Variants in ZNF257 observed in about 807,000 individuals in gnomAD.
ZNF257 encodes the protein zinc finger protein 257.
A neutral mutation model predicts 11.9 loss-of-function variants in ZNF257; 12 were observed. That is an observed-to-expected ratio of 1.01 (90% CI 0.65 to 1.63). The LOEUF is 1.63. Ranked by LOEUF, ZNF257 falls within the 40% of genes most tolerant of loss-of-function variation. The pLI, the probability that ZNF257 is intolerant of heterozygous loss-of-function variation, is 0.00. For synonymous variants in ZNF257, 183 were observed against 222.7 expected (o/e 0.82, Z 1.59); for missense variants, 580 against 665.5 (o/e 0.87, Z 1.41).
intron 1 of ZNF257, among the ~76,000 whole-genome samples, chr19:22,056,478 A>AAT (rs770234509): frequency 1.5e-5 from 2 of 134,604 alleles, no homozygotes; most frequent in Non-Finnish European, 3.1e-5. Flanking sequence ...GAATTTAGAA[A>AAT]TTTTTTTTTT....
In ZNF257 at chr19:22,083,452, G is replaced by A. The variant is rs961299528; in HGVS notation, c.227-4525G>A. 4.6e-5 allele frequency among the ~76,000 whole-genome samples: 7 copies of A among 152,108 alleles called. No individual in the cohort carries two copies. In the East Asian group the frequency reaches 1.2e-3, roughly 25 times the overall value. On this transcript the variant is annotated intron_variant, in intron 3 of 3. Coordinates refer to ENST00000594947, the MANE Select transcript of ZNF257 (RefSeq NM_033468.4). The stretch of plus-strand genomic sequence containing the variant: ...CGCCATTGCACTCCAGCTGGGTGAC[G>A]AGTGAAACTCCATCTCGAAAAACTA...
intron 3 of ZNF257, chr19:22,075,350 C>T (rs2022202846): frequency 6.6e-6 from 1 of 152,230 alleles, no homozygotes; most frequent in Non-Finnish European, 1.5e-5. Flanking sequence ...TTCCTCGGGT[C>T]ACACTGTGTT....
chr19:22,076,768 A>C lies in ZNF257; in HGVS notation c.226+3204A>C, dbSNP rs184241793. Among the ~76,000 whole-genome samples, 374 of 152,250 alleles carry C rather than the reference A, an allele frequency of 2.5e-3. 4 individuals are homozygous for C. The highest frequency in any genetic ancestry group is 8.1e-3 in the African/African-American group (338 of 41,510). The stretch of plus-strand genomic sequence containing the variant: ...CAGTGGCATGATTTCAGCTCACTGC[A>C]ACCTCCGCCTCCCGGGTTCACGCCA... On this transcript the variant is annotated intron_variant, in intron 3 of 3. Transcript: ENST00000594947.
At chr19:22,067,930 A>T (rs1246987749) in intron 1 of ZNF257, among the ~76,000 whole-genome samples, 2 of 150,162 alleles carry the variant, frequency 1.3e-5, no homozygotes, top group Non-Finnish European at 3.0e-5. Flanking sequence ...CACAATTGCC[A>T]CAAGTAGCAT....
At chr19:22,082,226 A>G (rs1435657719) in intron 3 of ZNF257, among the ~76,000 whole-genome samples, 1 of 152,178 alleles carries the variant, frequency 6.6e-6, no homozygotes, top group East Asian at 1.9e-4. Context: ...ATGCACCATC[A>G]TTATAATAGT....
At chr19:22,061,421 G>T (rs2145688838) in intron 1 of ZNF257, among the ~76,000 whole-genome samples, 1 of 152,112 alleles carries the variant, frequency 6.6e-6, no homozygotes, top group South Asian at 2.1e-4. Context: ...TTTTGTTTTT[G>T]ATTTGGCTTT....
chr19:22,066,486 CAGT>C (rs1568482707), intron 1 of ZNF257: 6 of 152,528 alleles, frequency 3.9e-5, no homozygotes, highest in African/African-American at 1.4e-4. Flanking sequence ...GGCTGTGCCT[CAGT>C]GGCAGATGGT....
chr19:22,085,050 G>T (rs556230344), intron 3 of ZNF257, among the ~76,000 whole-genome samples: 73 of 147,246 alleles, frequency 5.0e-4, no homozygotes, highest in Non-Finnish European at 8.4e-4. Flanking sequence ...TTTTTTTTTT[G>T]TTGTTGTTGT....
intron 1 of ZNF257, among the ~76,000 whole-genome samples, chr19:22,065,436 G>C (rs934093421): frequency 6.6e-6 from 1 of 152,098 alleles, no homozygotes; most frequent in African/African-American, 2.4e-5. Flanking sequence ...CCGACCTCAG[G>C]TGATCCACCC....
At chr19:22,074,444 CG>C (rs1297540997) in intron 3 of ZNF257, 3 of 152,024 alleles carry the variant, frequency 2.0e-5, no homozygotes, top group African/African-American at 7.3e-5. Flanking sequence ...CTCCTCCTCC[CG>C]GGTTCAAGCG....
At chr19:22,068,203 G>A (rs1181788354) in intron 1 of ZNF257, among the ~76,000 whole-genome samples, 1 of 136,158 alleles carries the variant, frequency 7.3e-6, no homozygotes, top group Non-Finnish European at 1.5e-5. Flanking sequence ...TGTAACTGCT[G>A]ATTATCAAAG....
chr19:22,086,835 G>C (rs2022487777), intron 3 of ZNF257, among the ~76,000 whole-genome samples: 1 of 151,764 alleles, frequency 6.6e-6, no homozygotes, highest in Non-Finnish European at 1.5e-5. Flanking sequence ...CTTTTGTCTT[G>C]CAGTTCTTGA....
chr19:22,076,004 T>C (rs1016694613), intron 3 of ZNF257: 1 of 152,156 alleles, frequency 6.6e-6, no homozygotes, highest in Non-Finnish European at 1.5e-5. Flanking sequence ...TTCTAATTTC[T>C]ATTTCAAATG....
intron 1 of ZNF257, among the ~76,000 whole-genome samples, chr19:22,053,366 CAAAAAAAAAAAAAA>C (rs61426953): frequency 2.6e-5 from 2 of 76,484 alleles, no homozygotes; most frequent in African/African-American, 4.1e-5. Context: ...GACTCCGTCT[CAAAAAAAAAAAAAA>C]AAAAAAAAAA....
chr19:22,059,222 G>A (rs759689723), intron 1 of ZNF257, among the ~76,000 whole-genome samples: 28 of 152,086 alleles, frequency 1.8e-4, no homozygotes, highest in South Asian at 1.2e-3. Flanking sequence ...ATGGGGGTTT[G>A]GTGTGCAGAT....
rs1006203171 is a variant in ZNF257 at position 22,090,549 on chromosome 19, G to A, written c.*1107G>A. 1.3e-5 allele frequency: 2 copies of A among 152,030 alleles called. No individual in the cohort carries two copies. The highest frequency in any genetic ancestry group is 3.8e-4 in the East Asian group (2 of 5,206). The allele number at this position is 152,030 out of a possible 1,614,324, so 9.4% of individuals were successfully genotyped here. ...AAATTGAGTTTATATAATTATCAGA[G>A]AATTAACAGTAGAAATAGCTAAGGC... On this transcript the variant is annotated 3_prime_UTR_variant, in exon 4 of 4. Coordinates refer to ENST00000594947, the MANE Select transcript of ZNF257 (RefSeq NM_033468.4).
intron 1 of ZNF257, among the ~76,000 whole-genome samples, chr19:22,053,514 A>C (rs575854426): frequency 9.8e-5 from 15 of 152,348 alleles, no homozygotes; most frequent in African/African-American, 3.4e-4. Flanking sequence ...GCAGTTACAT[A>C]GTTTGTTAAT....
Position 22,088,176 on chromosome 19 carries a change from C to A in ZNF257, c.426C>A (p.Ser142Arg). Residue 142 changes from serine to arginine, a missense_variant, in exon 4 of 4, where the codon AGC (serine) becomes AGA (arginine). Transcript: ENST00000594947. ...GLNQCLITTQ[S>R]KMYQCDKYVK... ...ACCAATGTCTGATAACTACCCAGAG[C>A]AAAATGTATCAATGTGATAAATATG... The A allele has an allele frequency of 6.2e-7, 1 of 1,608,500 alleles. No homozygotes were observed. The highest frequency in any genetic ancestry group is 8.5e-7 in the Non-Finnish European group (1 of 1,177,140).
intron 3 of ZNF257, chr19:22,087,727 C>T: frequency 6.2e-6 from 4 of 646,076 alleles, no homozygotes; most frequent in Non-Finnish European, 8.9e-6. Flanking sequence ...TCTTTTTCTT[C>T]TATGTTGCTT....
Sources: gnomAD v4.1 joint callset for allele counts (sites outside exome capture counted in the v4.1 genomes callset) on GRCh38, gnomAD v4.1.1 for gene constraint, MANE v1.5 for transcripts, NCBI Gene and HGNC (gene_info 2026-07-23, HGNC 2026-07-21) for gene names.